Variants in ATP2B1 observed in about 807,000 individuals in gnomAD.
ATP2B1 encodes the protein plasma membrane calcium-transporting ATPase 1.
ATP2B1 carries 14 observed loss-of-function variants against 124.2 expected under a neutral mutation model. The observed-to-expected ratio is 0.11, with a 90% CI of 0.07 to 0.18. The LOEUF is 0.18. ATP2B1 is among the 10% of genes least tolerant of loss of function. ATP2B1 has a pLI of 1.00. For missense variants in ATP2B1, 763 were observed against 1,466.1 expected (o/e 0.52, Z 7.83); for synonymous variants, 449 against 492.4 (o/e 0.91, Z 1.17).
intron 2 of ATP2B1, among the ~76,000 whole-genome samples, chr12:89,644,164 A>G (rs1320441756): frequency 6.6e-6 from 1 of 152,124 alleles, no homozygotes; most frequent in Non-Finnish European, 1.5e-5. Context: ...GCTAGAGAAG[A>G]AGGCAGAGAT....
At chr12:89,679,866 C>A (rs766557177) in intron 1 of ATP2B1, among the ~76,000 whole-genome samples, 4 of 151,860 alleles carry the variant, frequency 2.6e-5, no homozygotes, top group Non-Finnish European at 2.9e-5. Flanking sequence ...GGAATAGCAG[C>A]GGAAATGGCA....
In ATP2B1 at chr12:89,620,229, T is replaced by C. The variant is rs1053503473; in HGVS notation, c.1599A>G (p.Lys533=). The change falls in exon 11 of 21, where the codon AAA becomes AAG. Residue 533 remains lysine (K), a synonymous_variant. Coordinates refer to ENST00000428670, the MANE Select transcript of ATP2B1 (RefSeq NM_001366521.1). ...AYTSKILPPE[K]EGGLPRHVGN... is the part of the protein sequence containing the mutation. Reference sequence around the variant, plus strand: ...CAACGTGACGAGGTAATCCACCCTCTTTCTCTGGTGGCTATAAGAGAAAAA... The same window carrying C: ...CAACGTGACGAGGTAATCCACCCTCCTTCTCTGGTGGCTATAAGAGAAAAA... The C allele has an allele frequency of 1.1e-5, 17 of 1,613,852 alleles. No homozygotes were observed. The highest frequency in any genetic ancestry group is 2.2e-5 in the East Asian group (1 of 44,872).
chr12:89,706,395 T>A (rs1284435905), intron 1 of ATP2B1, among the ~76,000 whole-genome samples: 1 of 150,248 alleles, frequency 6.7e-6, no homozygotes, highest in Non-Finnish European at 1.5e-5. Flanking sequence ...AAAAAAAAAA[T>A]TGTAAAGCCA....
intron 1 of ATP2B1, among the ~76,000 whole-genome samples, chr12:89,658,741 A>T (rs1329011346): frequency 6.6e-6 from 1 of 151,868 alleles, no homozygotes; most frequent in African/African-American, 2.4e-5. Flanking sequence ...TCTTTTCCGT[A>T]ATCTGTCAAT....
chr12:89,601,840 G>A (rs959471428), intron 18 of ATP2B1, among the ~76,000 whole-genome samples: 1 of 151,392 alleles, frequency 6.6e-6, no homozygotes, highest in African/African-American at 2.4e-5. Context: ...TCAAAATATA[G>A]TACTCTTTTG....
chr12:89,624,121 C>A, intron 9 of ATP2B1, 62 bp downstream of exon 9: 2 of 1,432,560 alleles, frequency 1.4e-6, no homozygotes, highest in South Asian at 1.3e-5. Context: ...ACTAGATGGG[C>A]ATTTTCTATA....
chr12:89,631,446 C>T (rs144440499), intron 5 of ATP2B1, among the ~76,000 whole-genome samples: 256 of 152,258 alleles, frequency 1.7e-3, no homozygotes, highest in African/African-American at 6.0e-3. Context: ...ATAACCTCTA[C>T]CTAACACAAG....
intron 1 of ATP2B1, among the ~76,000 whole-genome samples, chr12:89,698,454 G>A (rs1891431176): frequency 1.3e-5 from 2 of 152,146 alleles, no homozygotes; most frequent in African/African-American, 2.4e-5. Flanking sequence ...ACAGAAAGCA[G>A]ATCGGGGCTG....
intron 12 of ATP2B1, among the ~76,000 whole-genome samples, chr12:89,614,157 A>G (rs543987214): frequency 2.0e-5 from 3 of 152,158 alleles, no homozygotes; most frequent in Non-Finnish European, 2.9e-5. Flanking sequence ...TTAAACCGTA[A>G]GTCAATGTAT....
At chr12:89,700,178 C>T (rs1280451516) in intron 1 of ATP2B1, among the ~76,000 whole-genome samples, 3 of 152,086 alleles carry the variant, frequency 2.0e-5, no homozygotes, top group South Asian at 4.1e-4. Context: ...ATAAACTTTA[C>T]CCTAAATCCA....
chr12:89,704,012 C>G (rs1230662472), intron 1 of ATP2B1, among the ~76,000 whole-genome samples: 2 of 152,128 alleles, frequency 1.3e-5, no homozygotes, highest in Non-Finnish European at 2.9e-5. Flanking sequence ...AGAACCACAC[C>G]TTTCTTGTGA....
rs111876466 is a variant in ATP2B1 at position 89,671,522 on chromosome 12, C to T, written c.-221-15415G>A. On this transcript the variant is annotated intron_variant, in intron 1 of 20. Transcript: ENST00000428670. Reference sequence around the variant, plus strand: ...AGTATACACTCTACATGGATCCTTTCGCCTAATCTTCCCAATGCCCTATGC... The same window carrying T: ...AGTATACACTCTACATGGATCCTTTTGCCTAATCTTCCCAATGCCCTATGC... 4.6e-3 allele frequency among the ~76,000 whole-genome samples: 699 copies of T among 152,258 alleles called. 8 individuals are homozygous for T. The highest frequency in any genetic ancestry group is 0.016 in the African/African-American group (650 of 41,552).
intron 1 of ATP2B1, among the ~76,000 whole-genome samples, chr12:89,696,657 C>A (rs1011756567): frequency 8.5e-5 from 13 of 152,126 alleles, no homozygotes; most frequent in African/African-American, 2.9e-4. Context: ...TTTACATTGT[C>A]CTATTTTCCA....
chr12:89,603,366 G>T lies in ATP2B1; in HGVS notation c.2849-112C>A. 1 of 915,664 alleles carries T rather than the reference G, an allele frequency of 1.1e-6. No homozygotes were observed. The highest frequency in any genetic ancestry group is 1.6e-6 in the Non-Finnish European group (1 of 625,004). The allele number at this position is 915,664 out of a possible 1,614,324, so 56.7% of individuals were successfully genotyped here. A position where few individuals can be genotyped will look rare whatever the true frequency, so the allele number is the denominator to read the frequency against. ...TTTATTTGATCTGAAATGGCAGCATGGAAGGAGCTAGAGAAACCTGGGATT... is the reference window on the plus strand; with the variant it reads ...TTTATTTGATCTGAAATGGCAGCATTGAAGGAGCTAGAGAAACCTGGGATT... On this transcript the variant is annotated intron_variant, in intron 17 of 20. Transcript: ENST00000428670. This position sits in a 1 kb window ranked among gnomAD's most constrained non-coding sequence, Gnocchi z 4.3.
At chr12:89,595,767 T>C (rs539111264) in intron 20 of ATP2B1, among the ~76,000 whole-genome samples, 1 of 152,226 alleles carries the variant, frequency 6.6e-6, no homozygotes, top group South Asian at 2.1e-4. Context: ...ACATAATTAC[T>C]GCAACTCTTG....
At chr12:89,677,648 C>A (rs1272042139) in intron 1 of ATP2B1, among the ~76,000 whole-genome samples, 1 of 151,926 alleles carries the variant, frequency 6.6e-6, no homozygotes, top group Non-Finnish European at 1.5e-5. Context: ...AAACTGGTTC[C>A]TTCAACTCTT....
chr12:89,629,340 T>C (rs913587276), intron 6 of ATP2B1, among the ~76,000 whole-genome samples: 4 of 152,142 alleles, frequency 2.6e-5, no homozygotes, highest in African/African-American at 7.2e-5. Flanking sequence ...CTTTGTACAG[T>C]TGTGAGGATT....
intron 20 of ATP2B1, among the ~76,000 whole-genome samples, chr12:89,598,039 CA>C (rs10661138): frequency 2.3e-3 from 140 of 60,538 alleles, no homozygotes; most frequent in Middle Eastern, 0.026. Context: ...CACAACCAAG[CA>C]AAAAAAAAAA....
Position 89,646,111 on chromosome 12 carries a change from G to A in ATP2B1, c.209-3756C>T, listed in dbSNP as rs181801152. Among the ~76,000 whole-genome samples the A allele has an allele frequency of 6.6e-5, 10 of 152,042 alleles. No homozygotes were observed. In the East Asian group the frequency reaches 1.7e-3, roughly 26 times the overall value. On this transcript the variant is annotated intron_variant, in intron 2 of 20. Coordinates refer to ENST00000428670, the MANE Select transcript of ATP2B1 (RefSeq NM_001366521.1). ...TTTTTGTTTTTTTTTGCGAGGGGGA[G>A]GGGTCTTCAAGCACTTAAGTGGGTG...
Sources: gnomAD v4.1 joint callset for allele counts (sites outside exome capture counted in the v4.1 genomes callset) on GRCh38, gnomAD v4.1.1 for gene constraint, Gnocchi (gnomAD v3.1) non-coding constraint, MANE v1.5 for transcripts, NCBI Gene and HGNC (gene_info 2026-07-23, HGNC 2026-07-21) for gene names.